NRXN3: variants seen among roughly 807,000 people sequenced by gnomAD.
NRXN3 encodes the protein neurexin 3, also known as neurexin III.
In NRXN3, 32 loss-of-function variants were observed where a neutral mutation model predicts 137.6. The observed-to-expected ratio is 0.23, with a 90% CI of 0.18 to 0.31. The LOEUF is 0.31. Ranked by LOEUF, NRXN3 falls within the 10% of genes least tolerant of loss-of-function variation. The pLI is 1.00. For missense variants in NRXN3, 1,574 were observed against 2,062.5 expected (o/e 0.76, Z 4.59); for synonymous variants, 798 against 784.5 (o/e 1.02, Z -0.29).
chr14:79,846,465 A>G (rs897182265), intron 20 of NRXN3, among the ~76,000 whole-genome samples: 3 of 152,170 alleles, frequency 2.0e-5, no homozygotes, highest in Non-Finnish European at 2.9e-5. Flanking sequence ...AACACTTAGA[A>G]TGGTATTTCT....
intron 15 of NRXN3, among the ~76,000 whole-genome samples, chr14:79,228,055 A>C (rs17094109): frequency 0.011 from 1,744 of 152,292 alleles, 37 homozygotes; most frequent in African/African-American, 0.04. Context: ...ATGTTATAGA[A>C]AGACCTATGC....
At chr14:78,953,640 C>G (rs564015079) in intron 10 of NRXN3, among the ~76,000 whole-genome samples, 1 of 152,260 alleles carries the variant, frequency 6.6e-6, no homozygotes, top group Admixed American at 6.5e-5. Flanking sequence ...ATCTTTATTC[C>G]AGGCATGAGT....
intron 15 of NRXN3, among the ~76,000 whole-genome samples, chr14:79,450,434 C>A (rs1029498257): frequency 1.1e-4 from 16 of 152,068 alleles, no homozygotes; most frequent in Admixed American, 7.2e-4. Context: ...TTCAAAAGTT[C>A]TCACCACAAA....
At chr14:78,619,755 C>T (rs956078263) in intron 4 of NRXN3, among the ~76,000 whole-genome samples, 3 of 152,004 alleles carry the variant, frequency 2.0e-5, no homozygotes, top group African/African-American at 4.8e-5. Context: ...TTTCCCAAGC[C>T]ATGCTGAAAT....
chr14:79,007,179 T>C (rs2099554774), intron 15 of NRXN3, among the ~76,000 whole-genome samples: 1 of 152,100 alleles, frequency 6.6e-6, no homozygotes, highest in African/African-American at 2.4e-5. Context: ...AGACATCAGG[T>C]GTATCAAATA....
At chr14:78,733,900 A>G (rs1002930544) in intron 8 of NRXN3, among the ~76,000 whole-genome samples, 3 of 152,178 alleles carry the variant, frequency 2.0e-5, no homozygotes, top group African/African-American at 7.2e-5. Flanking sequence ...CCCTAAGAAT[A>G]ACAGGTGGCT....
At position 78,597,155 on chromosome 14, in the gene NRXN3, C is replaced by T. The variant is rs1005748102; in HGVS notation, c.758-47965C>T. Among the ~76,000 whole-genome samples, 8 of 152,194 alleles carry T rather than the reference C, an allele frequency of 5.3e-5. No homozygotes were observed. In the East Asian group the frequency reaches 7.7e-4, roughly 15 times the overall value. On this transcript the variant is annotated intron_variant, in intron 4 of 20. Coordinates refer to ENST00000335750, the MANE Select transcript of NRXN3 (RefSeq NM_001330195.2). The stretch of plus-strand genomic sequence containing the variant: ...AGCATACTGCTGGAGAAGACTGTGT[C>T]GGGGATGAGGTGGTCTGAGAAGCTG...
chr14:79,753,162 C>T (rs1410652574), intron 19 of NRXN3, among the ~76,000 whole-genome samples: 4 of 151,986 alleles, frequency 2.6e-5, no homozygotes, highest in Non-Finnish European at 5.9e-5. Flanking sequence ...GTCAGTGTGG[C>T]GATTCCTCAG....
intron 4 of NRXN3, among the ~76,000 whole-genome samples, chr14:78,456,848 T>TCTTTCTTTCTTG (rs1567645011): frequency 4.5e-5 from 6 of 133,828 alleles, no homozygotes; most frequent in African/African-American, 1.5e-4. Context: ...TTTCTTTCTT[T>TCTTTCTTTCTTG]CTTTCTTTTT....
chr14:78,552,199 G>A (rs2096698657), intron 4 of NRXN3, among the ~76,000 whole-genome samples: 3 of 152,258 alleles, frequency 2.0e-5, no homozygotes, highest in Non-Finnish European at 4.4e-5. Flanking sequence ...AGTAACATTT[G>A]TAAGAATGTG....
Position 78,261,124 on chromosome 14 carries a change from A to ATC in NRXN3, c.709+17333_709+17334dup, listed in dbSNP as rs1419710278. On this transcript the variant is annotated intron_variant, in intron 2 of 20. Coordinates refer to ENST00000335750, the MANE Select transcript of NRXN3 (RefSeq NM_001330195.2). The stretch of plus-strand genomic sequence containing the variant: ...GATGTGGAATTTGAGCTCTTTACTC[A>ATC]TCTCTCTCTCTCACCCCCTATTCAA... Among the ~76,000 whole-genome samples the ATC allele has an allele frequency of 8.6e-5, 13 of 152,038 alleles. No individual in the cohort carries two copies. The East Asian group carries it at 2.3e-3, about 27-fold the overall frequency.
intron 15 of NRXN3, among the ~76,000 whole-genome samples, chr14:79,223,578 A>T (rs2070222986): frequency 6.6e-6 from 1 of 152,152 alleles, no homozygotes. Flanking sequence ...CACATTTCTT[A>T]TAAGAAAAAA....
At chr14:78,594,758 T>G (rs749297249) in intron 4 of NRXN3, among the ~76,000 whole-genome samples, 61 of 152,128 alleles carry the variant, frequency 4.0e-4, no homozygotes, top group Non-Finnish European at 8.5e-4. Flanking sequence ...TTAATAAGAC[T>G]CCTGTTCCAG....
At chr14:78,294,267 G>C (rs545641141) in intron 3 of NRXN3, among the ~76,000 whole-genome samples, 1 of 152,070 alleles carries the variant, frequency 6.6e-6, no homozygotes. Flanking sequence ...TATAAAGCTC[G>C]TGTCAGGCTG....
intron 7 of NRXN3, chr14:78,709,933 C>G: frequency 4.8e-6 from 2 of 420,706 alleles, no homozygotes; most frequent in Non-Finnish European, 8.7e-6. Context: ...AGCATTTCCA[C>G]TGCTACCAGA....
At chr14:79,825,794 T>A (rs192535949) in intron 20 of NRXN3, among the ~76,000 whole-genome samples, 2 of 152,272 alleles carry the variant, frequency 1.3e-5, no homozygotes, top group East Asian at 3.9e-4. Context: ...ATATATATAT[T>A]GTTACACTTT....
intron 15 of NRXN3, among the ~76,000 whole-genome samples, chr14:79,172,466 A>AAAGG (rs1188938299): frequency 2.6e-5 from 4 of 152,260 alleles, no homozygotes; most frequent in Non-Finnish European, 2.9e-5. Context: ...AGGAGGGTGA[A>AAAGG]AAGGAAGGAA....
At chr14:79,674,138 C>G (rs910785840) in intron 17 of NRXN3, among the ~76,000 whole-genome samples, 2 of 152,042 alleles carry the variant, frequency 1.3e-5, no homozygotes, top group African/African-American at 4.8e-5. Context: ...GGGATGTGAC[C>G]TTGAATTATC....
intron 15 of NRXN3, among the ~76,000 whole-genome samples, chr14:79,348,550 G>C (rs757338383): frequency 6.6e-6 from 1 of 151,874 alleles, no homozygotes; most frequent in Non-Finnish European, 1.5e-5. Context: ...TAATTTTTTT[G>C]TATTTTTTAG....
Sources: allele counts gnomAD v4.1 joint callset (sites outside exome capture counted in the v4.1 genomes callset), GRCh38; gene constraint gnomAD v4.1.1; transcripts MANE v1.5; gene names NCBI Gene and HGNC (gene_info 2026-07-23, HGNC 2026-07-21).